REPS1: variants seen among roughly 807,000 people sequenced by gnomAD.
The protein encoded by REPS1 is RALBP1 associated Eps domain containing 1.
A neutral mutation model predicts 100.9 loss-of-function variants in REPS1; 39 were observed. That is an observed-to-expected ratio of 0.39 (90% CI 0.30 to 0.50). REPS1 has a LOEUF of 0.50. REPS1 is among the 20% of genes least tolerant of loss of function. The pLI, the probability that REPS1 is intolerant of heterozygous loss-of-function variation, is 0.86. For missense variants in REPS1, 821 were observed against 968.5 expected (o/e 0.85, Z 2.02); for synonymous variants, 324 against 340.3 (o/e 0.95, Z 0.53).
chr6:138,913,705 T>G (rs1018037307), intron 15 of REPS1, among the ~76,000 whole-genome samples: 6 of 152,252 alleles, frequency 3.9e-5, no homozygotes, highest in African/African-American at 1.4e-4. Flanking sequence ...CTTACTACGA[T>G]ATGGACAGCT....
intron 1 of REPS1, among the ~76,000 whole-genome samples, chr6:138,964,494 T>C (rs2128494815): frequency 6.6e-6 from 1 of 152,198 alleles, no homozygotes; most frequent in South Asian, 2.1e-4. Flanking sequence ...GTATATTAGG[T>C]ACTTTAACAC....
chr6:138,979,847 T>C (rs1361476682), intron 1 of REPS1, among the ~76,000 whole-genome samples: 1 of 152,190 alleles, frequency 6.6e-6, no homozygotes, highest in Non-Finnish European at 1.5e-5. Context: ...TTTCTTCAAT[T>C]ATTTCATTAC....
At chr6:138,917,695 C>G (rs1210348195) in intron 12 of REPS1, 68 bp from the exon 13 acceptor site, 2 of 1,266,816 alleles carry the variant, frequency 1.6e-6, no homozygotes, top group Non-Finnish European at 2.3e-6. Flanking sequence ...CTACTCCAAA[C>G]AAATATAAGT....
chr6:138,983,446 G>T (rs1214894021), intron 1 of REPS1, among the ~76,000 whole-genome samples: 1 of 151,604 alleles, frequency 6.6e-6, no homozygotes, highest in Non-Finnish European at 1.5e-5. Context: ...CAGAGCGAGA[G>T]ACTGTCTCAA....
intron 9 of REPS1, chr6:138,929,246 C>T (rs1048585453): frequency 6.6e-6 from 1 of 152,196 alleles, no homozygotes; most frequent in Non-Finnish European, 1.5e-5. Context: ...CTCTCCAGGG[C>T]ACTAAAATTT....
At chr6:138,939,171 C>T (rs992934666) in intron 8 of REPS1, among the ~76,000 whole-genome samples, 1 of 152,014 alleles carries the variant, frequency 6.6e-6, no homozygotes, top group African/African-American at 2.4e-5. Context: ...CAACAGAATA[C>T]CAAAATATAT....
chr6:138,981,461 G>A (rs1312172072), intron 1 of REPS1, among the ~76,000 whole-genome samples: 4 of 152,118 alleles, frequency 2.6e-5, no homozygotes, highest in Non-Finnish European at 4.4e-5. Context: ...GAAATGACAA[G>A]TCTTATCACC....
At chr6:138,977,503 TATTA>T (rs1174684213) in intron 1 of REPS1, among the ~76,000 whole-genome samples, 1 of 152,226 alleles carries the variant, frequency 6.6e-6, no homozygotes, top group African/African-American at 2.4e-5. Flanking sequence ...ATTTAGCTAA[TATTA>T]TTTATTAATT....
intron 10 of REPS1, among the ~76,000 whole-genome samples, chr6:138,924,163 G>A (rs1211845594): frequency 6.6e-6 from 1 of 151,942 alleles, no homozygotes; most frequent in African/African-American, 2.4e-5. Context: ...AATACTGGTT[G>A]GGAAACAAAG....
intron 11 of REPS1, 142 bp from the exon 12 acceptor site, chr6:138,920,458 T>A: frequency 2.1e-6 from 1 of 474,182 alleles, no homozygotes; most frequent in South Asian, 4.3e-5. Context: ...ATAATATTTT[T>A]AATAAAAACA....
At chr6:138,933,628 CTAT>C (rs781606580) in intron 8 of REPS1, among the ~76,000 whole-genome samples, 2 of 152,106 alleles carry the variant, frequency 1.3e-5, no homozygotes, top group Non-Finnish European at 2.9e-5. Flanking sequence ...TCGTTGTCTT[CTAT>C]TAAGACAGAT....
rs749394801 is a variant in REPS1, at chr6:138,945,381, G to T, written c.475-9C>A. ...ACTGGGGATGCAGGTTCCTAGAAAA[G>T]AATATTATTTTAAAATTTTAACTTT... On this transcript the variant is annotated splice_polypyrimidine_tract_variant and intron_variant, in intron 3 of 19. Coordinates refer to ENST00000450536, the MANE Select transcript of REPS1 (RefSeq NM_001286611.2). 1.9e-6 allele frequency: 3 copies of T among 1,591,126 alleles called. No homozygotes were observed. Among genetic ancestry groups the T allele is most frequent in the South Asian group, 2.3e-5 (2 of 86,706 alleles).
intron 10 of REPS1, among the ~76,000 whole-genome samples, chr6:138,923,269 AT>A (rs1780899128): frequency 6.6e-6 from 1 of 152,340 alleles, no homozygotes; most frequent in African/African-American, 2.4e-5. Context: ...AATACCAGAA[AT>A]AACTGTTAAG....
intron 8 of REPS1, among the ~76,000 whole-genome samples, chr6:138,937,403 T>C (rs1234678692): frequency 6.6e-6 from 1 of 152,212 alleles, no homozygotes; most frequent in Non-Finnish European, 1.5e-5. Context: ...TCTGGATGAA[T>C]ATAAGAGAAA....
intron 12 of REPS1, among the ~76,000 whole-genome samples, chr6:138,918,029 T>C (rs1480728224): frequency 6.6e-6 from 1 of 151,872 alleles, no homozygotes; most frequent in Non-Finnish European, 1.5e-5. Flanking sequence ...ATAACACAAA[T>C]AAAAAACCAT....
chr6:138,962,566 T>C (rs1783800617), intron 1 of REPS1, among the ~76,000 whole-genome samples: 1 of 152,206 alleles, frequency 6.6e-6, no homozygotes, highest in Non-Finnish European at 1.5e-5. Context: ...CTTAAATACA[T>C]ATTCCAATAG....
chr6:138,916,201 G>C, intron 13 of REPS1: 2 of 347,682 alleles, frequency 5.8e-6, no homozygotes, highest in Non-Finnish European at 5.2e-6. Flanking sequence ...AAGTTATTAA[G>C]CAAAATTTCT....
At chr6:138,929,164 A>T (rs944279747) in intron 9 of REPS1, 4 of 152,234 alleles carry the variant, frequency 2.6e-5, no homozygotes. Context: ...AAGAAAAAAA[A>T]TAAGAAAAAA....
At chr6:138,986,425 T>C (rs1470665042) in intron 1 of REPS1, among the ~76,000 whole-genome samples, 1 of 152,246 alleles carries the variant, frequency 6.6e-6, no homozygotes, top group African/African-American at 2.4e-5. Context: ...AGAATTTTTG[T>C]TGGAAGAAAC....
Sources: gnomAD v4.1 joint callset for allele counts (sites outside exome capture counted in the v4.1 genomes callset) on GRCh38, gnomAD v4.1.1 for gene constraint, MANE v1.5 for transcripts, NCBI Gene and HGNC (gene_info 2026-07-23, HGNC 2026-07-21) for gene names.